The following WDR47 variants were observed in gnomAD, a reference collection of about 807,000 sequenced individuals.
The protein encoded by WDR47 is WD repeat-containing protein 47.
Under a neutral mutation model 97.2 loss-of-function variants are expected in WDR47, and 32 were observed. The observed-to-expected ratio is 0.33, with a 90% CI of 0.25 to 0.44. WDR47 has a LOEUF of 0.44. Among genes scored for constraint, WDR47 ranks in the 20% least tolerant of loss-of-function variants. The pLI is 1.00. For missense variants in WDR47, 782 were observed against 1,102.3 expected, an observed-to-expected ratio of 0.71 and a Z score of 4.11; for synonymous variants, 375 against 373.5, an observed-to-expected ratio of 1.00 and a Z score of -0.05.
intron 2 of WDR47, among the ~76,000 whole-genome samples, chr1:109,019,551 A>G (rs1344098428): frequency 6.6e-6 from 1 of 152,000 alleles, no homozygotes; most frequent in Non-Finnish European, 1.5e-5. Flanking sequence ...AACTGGGGAT[A>G]CTACTGGGAT....
intron 5 of WDR47, among the ~76,000 whole-genome samples, chr1:109,006,174 C>T (rs1447300613): frequency 6.6e-6 from 1 of 152,112 alleles, no homozygotes; most frequent in African/African-American, 2.4e-5. Context: ...GGTGGCAGAT[C>T]ACCTGAGGTC....
rs1657753526 is a variant in WDR47, at chr1:108,974,763, G to A, written c.2399-9C>T. The A allele has an allele frequency of 6.3e-7, 1 of 1,595,972 alleles. No individual in the cohort carries two copies. Among genetic ancestry groups the A allele is most frequent in the Non-Finnish European group, 8.5e-7 (1 of 1,169,930 alleles). ...AGATGCCACTGCACTGCCTGTAGTG[G>A]TAGGAATGAAAGTTTAAATACAGAA... is the stretch of plus-strand genomic sequence containing the variant. On this transcript the variant is annotated splice_polypyrimidine_tract_variant and intron_variant, in intron 13 of 14. Transcript: ENST00000369962.
chr1:109,037,572 A>G (rs1337049454), intron 1 of WDR47, among the ~76,000 whole-genome samples: 1 of 147,462 alleles, frequency 6.8e-6, no homozygotes, highest in Non-Finnish European at 1.5e-5. Flanking sequence ...GCTTGCAGTG[A>G]GCTGAGATCG....
At chr1:108,979,677 A>C (rs1370297734) in intron 13 of WDR47, among the ~76,000 whole-genome samples, 1 of 152,254 alleles carries the variant, frequency 6.6e-6, no homozygotes, top group African/African-American at 2.4e-5. Context: ...TAAAGATAAG[A>C]AAATAAATAA....
chr1:109,037,684 TA>T (rs1158318554), intron 1 of WDR47, among the ~76,000 whole-genome samples: 1 of 150,840 alleles, frequency 6.6e-6, no homozygotes, highest in Non-Finnish European at 1.5e-5. Flanking sequence ...AAAGATTTTA[TA>T]AAAGGTTCCA....
chr1:108,971,593 T>C (rs773083385), intron 14 of WDR47, 21 bp from the exon 15 acceptor site: 4 of 1,613,824 alleles, frequency 2.5e-6, no homozygotes, highest in Non-Finnish European at 3.4e-6. Flanking sequence ...AAAGAGATGT[T>C]GATTTACAAT....
At chr1:108,971,956 C>A (rs77802169) in intron 14 of WDR47, among the ~76,000 whole-genome samples, 109 of 152,292 alleles carry the variant, frequency 7.2e-4, no homozygotes, top group African/African-American at 2.5e-3. Context: ...TAAAAAATTT[C>A]ATCTAGCAAC....
chr1:109,003,614 G>C (rs1244402062), intron 6 of WDR47, among the ~76,000 whole-genome samples: 1 of 152,044 alleles, frequency 6.6e-6, no homozygotes, highest in Non-Finnish European at 1.5e-5. Context: ...CGATTCTCCT[G>C]CCTCAGCCTC....
intron 4 of WDR47, among the ~76,000 whole-genome samples, chr1:109,013,400 T>G (rs901666295): frequency 6.6e-6 from 1 of 151,998 alleles, no homozygotes; most frequent in Non-Finnish European, 1.5e-5. Flanking sequence ...CTAATCAAAA[T>G]GAATTTAATT....
intron 7 of WDR47, among the ~76,000 whole-genome samples, chr1:109,001,246 G>A (rs1420157358): frequency 6.6e-6 from 1 of 152,058 alleles, no homozygotes; most frequent in Non-Finnish European, 1.5e-5. Context: ...CGAAGATCGC[G>A]CCACTGTACT....
intron 1 of WDR47, among the ~76,000 whole-genome samples, chr1:109,035,073 T>C (rs1662838754): frequency 6.7e-6 from 1 of 148,938 alleles, no homozygotes; most frequent in East Asian, 2.0e-4. Flanking sequence ...GGCGAAACCC[T>C]GTCTCTCCAA....
intron 1 of WDR47, among the ~76,000 whole-genome samples, chr1:109,035,688 G>A (rs1662897688): frequency 6.6e-6 from 1 of 151,672 alleles, no homozygotes; most frequent in Non-Finnish European, 1.5e-5. Flanking sequence ...TAGAGACGGG[G>A]TTTCACCATG....
intron 8 of WDR47, 76 bp from the exon 9 acceptor site, chr1:108,991,405 A>AATTTG: frequency 7.4e-7 from 1 of 1,355,426 alleles, no homozygotes; most frequent in Non-Finnish European, 1.0e-6. Context: ...CCTTTCAAAC[A>AATTTG]CTAATTTTTC....
intron 3 of WDR47, among the ~76,000 whole-genome samples, chr1:109,015,315 ATTTG>A (rs913933967): frequency 9.9e-5 from 15 of 152,248 alleles, no homozygotes; most frequent in Middle Eastern, 3.4e-3. Flanking sequence ...GATTTTATTT[ATTTG>A]TTTGTTTATT....
At chr1:109,029,483 A>T (rs2102025035) in intron 1 of WDR47, among the ~76,000 whole-genome samples, 1 of 152,076 alleles carries the variant, frequency 6.6e-6, no homozygotes, top group East Asian at 1.9e-4. Flanking sequence ...AACATGATAA[A>T]ACCCTGTCTC....
rs1338095437 is a variant in WDR47, at chr1:108,970,471, T to C, written c.*959A>G. ...AGCTGTAGAAATAAAATCATTATTC[T>C]GCATTACACAAAACAGTGCAAGAAA... On this transcript the variant is annotated 3_prime_UTR_variant, in exon 15 of 15. Coordinates refer to ENST00000369962, the MANE Select transcript of WDR47 (RefSeq NM_001142551.2). 6.6e-6 allele frequency: 1 copy of C among 152,662 alleles called. No homozygotes were observed. The allele number at this position is 152,662 out of a possible 1,614,324, so 9.5% of individuals were successfully genotyped here. A position where few individuals can be genotyped will look rare whatever the true frequency, so the allele number is the denominator to read the frequency against.
intron 1 of WDR47, among the ~76,000 whole-genome samples, chr1:109,024,562 T>G (rs1257694324): frequency 6.6e-6 from 1 of 152,236 alleles, no homozygotes; most frequent in African/African-American, 2.4e-5. Flanking sequence ...CTGCTACAAC[T>G]GAGCACATAA....
intron 5 of WDR47, among the ~76,000 whole-genome samples, chr1:109,006,575 A>G (rs1660640493): frequency 6.6e-6 from 1 of 152,248 alleles, no homozygotes; most frequent in Non-Finnish European, 1.5e-5. Flanking sequence ...CAGAACTTCC[A>G]TATGCATTAT....
chr1:109,035,242 T>A (rs1340652951), intron 1 of WDR47, among the ~76,000 whole-genome samples: 1 of 131,352 alleles, frequency 7.6e-6, no homozygotes, highest in East Asian at 2.2e-4. Context: ...TAAGACCCTG[T>A]CTCAGAAAAA....
Sources: allele counts gnomAD v4.1 joint callset (sites outside exome capture counted in the v4.1 genomes callset), GRCh38; gene constraint gnomAD v4.1.1; transcripts MANE v1.5; gene names NCBI Gene and HGNC (gene_info 2026-07-23, HGNC 2026-07-21).